The following PPP3R1 variants were observed in gnomAD, a reference collection of about 807,000 sequenced individuals.
PPP3R1 encodes the protein protein phosphatase 3 regulatory subunit B, alpha.
PPP3R1 carries 5 observed loss-of-function variants against 22.6 expected under a neutral mutation model. That is an observed-to-expected ratio of 0.22 (90% CI 0.12 to 0.46). PPP3R1 has a LOEUF of 0.46. Among genes scored for constraint, PPP3R1 ranks in the 20% least tolerant of loss-of-function variants. The pLI, the probability that PPP3R1 is intolerant of heterozygous loss-of-function variation, is 0.99. For missense variants in PPP3R1, 61 were observed against 203.2 expected, an observed-to-expected ratio of 0.30 and a Z score of 4.25; for synonymous variants, 56 against 65.2, an observed-to-expected ratio of 0.86 and a Z score of 0.68.
At chr2:68,217,057 T>A in intron 2 of PPP3R1, 35 bp downstream of exon 2, 1 of 1,497,190 alleles carries the variant, frequency 6.7e-7, no homozygotes. Context: ...GATGAGTGAA[T>A]AAAAGTAACT....
chr2:68,242,156 C>T (rs752194888), intron 1 of PPP3R1, among the ~76,000 whole-genome samples: 3 of 152,132 alleles, frequency 2.0e-5, no homozygotes, highest in Non-Finnish European at 4.4e-5. Context: ...GCACCAGGCG[C>T]GGTGGCTCAC....
intron 1 of PPP3R1, among the ~76,000 whole-genome samples, chr2:68,241,430 C>G (rs1670135115): frequency 6.6e-6 from 1 of 152,098 alleles, no homozygotes; most frequent in Non-Finnish European, 1.5e-5. Context: ...TACATATGTA[C>G]TGCACTAAAT....
intron 4 of PPP3R1, among the ~76,000 whole-genome samples, 172 bp downstream of exon 4, chr2:68,187,083 A>C (rs1268038926): frequency 6.6e-6 from 1 of 151,886 alleles, no homozygotes; most frequent in Admixed American, 6.5e-5. Flanking sequence ...CATTATTCAA[A>C]TATAGTAGTT....
intron 1 of PPP3R1, among the ~76,000 whole-genome samples, chr2:68,241,377 C>A (rs1670133848): frequency 6.6e-6 from 1 of 152,142 alleles, no homozygotes; most frequent in Admixed American, 6.5e-5. Flanking sequence ...GGAAGGCCAA[C>A]TGTATATGTC....
At position 68,232,124 on chromosome 2, in the gene PPP3R1, T is replaced by TAC. The variant is rs751934251; in HGVS notation, c.4-14995_4-14994dup. 5.7e-3 allele frequency among the ~76,000 whole-genome samples: 558 copies of TAC among 97,998 alleles called. 32 individuals are homozygous for TAC. The highest frequency in any genetic ancestry group is 0.021 in the African/African-American group (509 of 24,186). The allele number at this position is 97,998 out of a possible 152,430, so 64.3% of individuals were successfully genotyped here. On this transcript the variant is annotated intron_variant, in intron 1 of 5. Transcript: ENST00000234310. ...AAAAAAAAAAATATATATATATATA[T>TAC]ACACACACACACACATATATATGTA...
At position 68,180,705 on chromosome 2, in the gene PPP3R1, C is replaced by T; in HGVS notation, c.*258G>A. 1 of 348,612 alleles carries T rather than the reference C, an allele frequency of 2.9e-6. No homozygotes were observed. The highest frequency in any genetic ancestry group is 5.2e-6 in the Non-Finnish European group (1 of 194,038). 21.6% of individuals were successfully genotyped at this position (348,612 alleles called of 1,614,324 possible). A position where few individuals can be genotyped will look rare whatever the true frequency, so the allele number is the denominator to read the frequency against. ...AAGAAAAATAAATTAAAAAGCCAAC[C>T]CCTTCCCTTTCTCCACCACATTGAT... On this transcript the variant is annotated 3_prime_UTR_variant, in exon 6 of 6. Coordinates refer to ENST00000234310, the MANE Select transcript of PPP3R1 (RefSeq NM_000945.4).
intron 2 of PPP3R1, among the ~76,000 whole-genome samples, chr2:68,215,637 A>G (rs1669565171): frequency 6.6e-6 from 1 of 152,226 alleles, no homozygotes; most frequent in South Asian, 2.1e-4. Flanking sequence ...TGAGTTTTAC[A>G]GTTTCTACAT....
intron 2 of PPP3R1, among the ~76,000 whole-genome samples, chr2:68,211,098 T>TAC (rs1056902537): frequency 8.5e-5 from 13 of 152,110 alleles, no homozygotes; most frequent in African/African-American, 3.1e-4. Flanking sequence ...ACAACACATA[T>TAC]ACCTTAATTT....
At chr2:68,239,212 T>C (rs773128254) in intron 1 of PPP3R1, among the ~76,000 whole-genome samples, 1 of 152,198 alleles carries the variant, frequency 6.6e-6, no homozygotes, top group Non-Finnish European at 1.5e-5. Flanking sequence ...CCGTATTCTG[T>C]AGCTTGCTGC....
At chr2:68,191,528 G>A (rs1306249041) in intron 2 of PPP3R1, among the ~76,000 whole-genome samples, 2 of 152,152 alleles carry the variant, frequency 1.3e-5, no homozygotes, top group African/African-American at 4.8e-5. Flanking sequence ...AAGGGCCTAG[G>A]ATATTACTGT....
chr2:68,191,444 G>A (rs1674666901), intron 2 of PPP3R1, among the ~76,000 whole-genome samples: 1 of 152,186 alleles, frequency 6.6e-6, no homozygotes, highest in Non-Finnish European at 1.5e-5. Context: ...CCTGTATAGG[G>A]CATTTACCAT....
chr2:68,187,172 TC>T, intron 4 of PPP3R1, 82 bp downstream of exon 4: 9 of 1,131,754 alleles, frequency 8.0e-6, no homozygotes, highest in Non-Finnish European at 1.0e-5. Context: ...GACATCTTTT[TC>T]ATTATTTTAA....
At chr2:68,209,155 G>A (rs1183205375) in intron 2 of PPP3R1, among the ~76,000 whole-genome samples, 2 of 149,782 alleles carry the variant, frequency 1.3e-5, no homozygotes, top group Admixed American at 6.7e-5. Flanking sequence ...TCAGGAGATC[G>A]AGAACATCCC....
chr2:68,229,942 G>GTA (rs1195980016), intron 1 of PPP3R1, among the ~76,000 whole-genome samples: 2 of 145,434 alleles, frequency 1.4e-5, no homozygotes, highest in Non-Finnish European at 3.0e-5. Flanking sequence ...GTGTATGTGT[G>GTA]TATATATGTG....
chr2:68,241,107 G>A (rs568799700), intron 1 of PPP3R1, among the ~76,000 whole-genome samples: 1 of 152,198 alleles, frequency 6.6e-6, no homozygotes, highest in East Asian at 1.9e-4. Flanking sequence ...ACTGGGAACT[G>A]GTCCCATTTC....
chr2:68,225,475 C>T (rs551912179), intron 1 of PPP3R1, among the ~76,000 whole-genome samples: 2 of 152,182 alleles, frequency 1.3e-5, no homozygotes, highest in African/African-American at 4.8e-5. Flanking sequence ...CTGCCAATAA[C>T]GTGAACAGCT....
At chr2:68,215,951 T>C (rs1669571463) in intron 2 of PPP3R1, among the ~76,000 whole-genome samples, 2 of 152,180 alleles carry the variant, frequency 1.3e-5, no homozygotes, top group Admixed American at 1.3e-4. Context: ...TAAAACACAC[T>C]ATAAGAATGT....
At chr2:68,188,440 T>TC (rs1307483789) in intron 3 of PPP3R1, 74 bp downstream of exon 3, 1 of 1,263,014 alleles carries the variant, frequency 7.9e-7, no homozygotes, top group African/African-American at 1.5e-5. Flanking sequence ...ACTTTTTTTT[T>TC]TTTTTTACAC....
intron 1 of PPP3R1, among the ~76,000 whole-genome samples, chr2:68,221,022 A>T (rs1425974691): frequency 6.6e-6 from 1 of 152,082 alleles, no homozygotes; most frequent in Non-Finnish European, 1.5e-5. Flanking sequence ...ACATGGCAAA[A>T]CACTGTCTCT....
Sources: allele counts gnomAD v4.1 joint callset (sites outside exome capture counted in the v4.1 genomes callset), GRCh38; gene constraint gnomAD v4.1.1; transcripts MANE v1.5; gene names NCBI Gene and HGNC (gene_info 2026-07-23, HGNC 2026-07-21).